Variants in SLCO1B3 observed in about 807,000 individuals in gnomAD.
SLCO1B3 encodes liver-specific organic anion transporter 2.
SLCO1B3 carries 72 observed loss-of-function variants against 71.8 expected under a neutral mutation model. The observed-to-expected ratio is 1.00, with a 90% CI of 0.83 to 1.22. The LOEUF (loss-of-function observed/expected upper bound fraction) is 1.22, where lower values mean the gene tolerates loss of function less well. Among genes scored for constraint, SLCO1B3 ranks in the 50% most tolerant of loss-of-function variants. SLCO1B3 has a pLI of 0.00. For missense variants in SLCO1B3, 911 were observed against 819.7 expected (o/e 1.11, Z -1.36); for synonymous variants, 298 against 278.4 (o/e 1.07, Z -0.70).
intron 2 of SLCO1B3, among the ~76,000 whole-genome samples, chr12:20,814,916 G>A (rs1310840584): frequency 2.0e-5 from 3 of 148,490 alleles, no homozygotes; most frequent in Non-Finnish European, 1.5e-5. Flanking sequence ...AAATAAAAAA[G>A]CATACCAGAT....
At chr12:20,856,805 T>C (rs1865149326) in intron 4 of SLCO1B3, among the ~76,000 whole-genome samples, 1 of 152,132 alleles carries the variant, frequency 6.6e-6, no homozygotes. Flanking sequence ...AGTGATCTGC[T>C]AGCCTCAGCC....
intron 3 of SLCO1B3, among the ~76,000 whole-genome samples, chr12:20,831,051 T>C (rs1422658489): frequency 6.6e-6 from 1 of 150,688 alleles, no homozygotes; most frequent in Non-Finnish European, 1.5e-5. Context: ...GTAAGGCACA[T>C]TACCTGCAGT....
chr12:20,858,857 CAT>C (rs1192619932), intron 5 of SLCO1B3: 3 of 179,002 alleles, frequency 1.7e-5, no homozygotes, highest in African/African-American at 2.4e-5. Context: ...TTTAGTATAA[CAT>C]ATGTATTTTA....
intron 15 of SLCO1B3, among the ~76,000 whole-genome samples, chr12:20,903,385 T>A (rs1273369356): frequency 2.0e-5 from 3 of 152,198 alleles, no homozygotes; most frequent in Admixed American, 6.5e-5. Context: ...GGAATATTAG[T>A]AATCAATGTA....
At chr12:20,824,037 G>A (rs575533270) in intron 3 of SLCO1B3, among the ~76,000 whole-genome samples, 1 of 152,250 alleles carries the variant, frequency 6.6e-6, no homozygotes, top group African/African-American at 2.4e-5. Context: ...TAATTATATT[G>A]CCATAAATTG....
rs369234665 is a variant in SLCO1B3, at chr12:20,916,746, C to T, written c.*499C>T. On this transcript the variant is annotated 3_prime_UTR_variant, in exon 16 of 16. Transcript: ENST00000381545. ...TGAATTTGTGTTTGACTAACAACCT[C>T]GATGGATCTTCTTCCAACCTCCCAT... 11 of 152,204 alleles carry T rather than the reference C, an allele frequency of 7.2e-5. No homozygotes were observed. The highest frequency in any genetic ancestry group is 2.1e-4 in the South Asian group (1 of 4,824). 9.4% of individuals were successfully genotyped at this position (152,204 alleles called of 1,614,324 possible). A position where few individuals can be genotyped will look rare whatever the true frequency, so the allele number is the denominator to read the frequency against.
rs1458451534 is a variant in SLCO1B3, at chr12:20,916,753, T to C, written c.*506T>C. ...GTGTTTGACTAACAACCTCGATGGATCTTCTTCCAACCTCCCATTAAGATC... is the reference window on the plus strand; with the variant it reads ...GTGTTTGACTAACAACCTCGATGGACCTTCTTCCAACCTCCCATTAAGATC... On this transcript the variant is annotated 3_prime_UTR_variant, in exon 16 of 16. Coordinates refer to ENST00000381545, the MANE Select transcript of SLCO1B3 (RefSeq NM_019844.4). 6.6e-6 allele frequency: 1 copy of C among 152,206 alleles called. No homozygotes were observed. Among genetic ancestry groups the C allele is most frequent in the African/African-American group, 2.4e-5 (1 of 41,460 alleles). 9.4% of individuals were successfully genotyped at this position (152,206 alleles called of 1,614,324 possible).
intron 8 of SLCO1B3, among the ~76,000 whole-genome samples, chr12:20,872,926 A>G (rs895215266): frequency 6.6e-6 from 1 of 152,158 alleles, no homozygotes; most frequent in African/African-American, 2.4e-5. Context: ...TCAAATTTTC[A>G]TGGTCATCCA....
intron 3 of SLCO1B3, among the ~76,000 whole-genome samples, chr12:20,829,210 A>C (rs114798692): frequency 2.6e-5 from 4 of 152,232 alleles, no homozygotes; most frequent in Non-Finnish European, 4.4e-5. Context: ...ATCTAATCGT[A>C]CGGAGAAATT....
At chr12:20,845,930 T>G (rs1328784161) in intron 3 of SLCO1B3, among the ~76,000 whole-genome samples, 2 of 152,068 alleles carry the variant, frequency 1.3e-5, no homozygotes, top group African/African-American at 2.4e-5. Flanking sequence ...TAATCTCTTT[T>G]TGTTGGATTG....
At chr12:20,850,499 G>A (rs1865004561) in intron 3 of SLCO1B3, among the ~76,000 whole-genome samples, 2 of 152,064 alleles carry the variant, frequency 1.3e-5, no homozygotes, top group East Asian at 1.9e-4. Context: ...AGCCAGGATG[G>A]TCTCGATCTC....
rs553246860 is a variant in SLCO1B3 at position 20,885,542 on chromosome 12, A to G, written c.1682+1940A>G. On this transcript the variant is annotated intron_variant, in intron 13 of 15. Coordinates refer to ENST00000381545, the MANE Select transcript of SLCO1B3 (RefSeq NM_019844.4). Reference sequence around the variant, plus strand: ...AAAATAAATCAGAGTCAGAAAATAGAAAAAGTGGGGATAGGTAAGAGATGC... The same window carrying G: ...AAAATAAATCAGAGTCAGAAAATAGGAAAAGTGGGGATAGGTAAGAGATGC... Among the ~76,000 whole-genome samples, 297 of 152,202 alleles carry G rather than the reference A, an allele frequency of 2.0e-3. 2 individuals carry two copies. Among genetic ancestry groups the G allele is most frequent in the Admixed American group, 6.0e-3 (91 of 15,260 alleles).
intron 11 of SLCO1B3, 88 bp downstream of exon 11, chr12:20,879,719 T>C: frequency 1.1e-6 from 1 of 871,522 alleles, no homozygotes; most frequent in Middle Eastern, 3.8e-4. Context: ...AGAAAACAAT[T>C]GTAATTAAAC....
At chr12:20,866,551 A>G (rs566800786) in intron 8 of SLCO1B3, among the ~76,000 whole-genome samples, 2 of 152,236 alleles carry the variant, frequency 1.3e-5, no homozygotes, top group South Asian at 2.1e-4. Context: ...TCATGCCACT[A>G]ATGCATAATT....
rs149063204 is a variant in SLCO1B3, at chr12:20,877,828, CT to C, written c.1031del (p.Leu344Ter). On this transcript the variant is annotated frameshift_variant, in exon 10 of 16. Transcript: ENST00000381545. LOFTEE classifies it high-confidence loss of function. The stretch of plus-strand genomic sequence containing the variant: ...CAATCCCCTGTATGTTATATTTCTG[CT>C]TTTGACATTGTTACAAGTAAGCAGC... ...LTNPLYVIFL[L>X]LTLLQVSSFI... The C allele has an allele frequency of 6.4e-7, 1 of 1,573,908 alleles. No homozygotes were observed. The highest frequency in any genetic ancestry group is 2.4e-5 in the East Asian group (1 of 42,016).
At chr12:20,904,135 G>T (rs1866185086) in intron 15 of SLCO1B3, among the ~76,000 whole-genome samples, 2 of 151,942 alleles carry the variant, frequency 1.3e-5, no homozygotes, top group South Asian at 4.2e-4. Flanking sequence ...AGCTACTTGG[G>T]AGGCTGAGGC....
At position 20,862,814 on chromosome 12, in the gene SLCO1B3, G is replaced by A; in HGVS notation, c.687G>A (p.Leu229=). 1 of 1,611,474 alleles carries A rather than the reference G, an allele frequency of 6.2e-7. No homozygotes were observed. Residue 229 remains leucine (L), a synonymous_variant, in exon 8 of 16, where the codon CTG becomes CTA. Coordinates refer to ENST00000381545, the MANE Select transcript of SLCO1B3 (RefSeq NM_019844.4). The part of the protein sequence containing the change: ...GPVIGFALGS[L]FAKMYVDIGY... ...TCATTGGCTTTGCACTGGGATCTCT[G>A]TTTGCTAAAATGTACGTGGATATTG...
intron 7 of SLCO1B3, 50 bp downstream of exon 7, chr12:20,862,608 C>T (rs1013563169): frequency 6.6e-7 from 1 of 1,517,032 alleles, no homozygotes; most frequent in Non-Finnish European, 9.0e-7. Flanking sequence ...CTGGATCTAC[C>T]CTTGAAATAA....
At chr12:20,863,534 T>G (rs1865311903) in intron 8 of SLCO1B3, among the ~76,000 whole-genome samples, 1 of 152,198 alleles carries the variant, frequency 6.6e-6, no homozygotes, top group Non-Finnish European at 1.5e-5. Context: ...ATTTATCTTT[T>G]TTTAACCCAT....
Sources: gnomAD v4.1 joint callset for allele counts (sites outside exome capture counted in the v4.1 genomes callset) on GRCh38, gnomAD v4.1.1 for gene constraint, MANE v1.5 for transcripts, NCBI Gene and HGNC (gene_info 2026-07-23, HGNC 2026-07-21) for gene names.